The following SEMA4D variants were observed in gnomAD, a reference collection of about 807,000 sequenced individuals.
SEMA4D encodes the protein semaphorin 4D.
SEMA4D carries 22 observed loss-of-function variants against 74.8 expected under a neutral mutation model. The ratio of observed to expected loss-of-function variants is 0.29; its 90% confidence interval spans 0.21 to 0.42. The LOEUF is 0.42. SEMA4D is among the 10% of genes least tolerant of loss of function. The pLI is 1.00. For missense variants in SEMA4D, 937 were observed against 1,118.4 expected, an observed-to-expected ratio of 0.84 and a Z score of 2.31; for synonymous variants, 445 against 463.7, an observed-to-expected ratio of 0.96 and a Z score of 0.52.
In SEMA4D at chr9:89,452,988, G is replaced by C. The variant is rs142462604; in HGVS notation, c.-244+2900C>G. Among the ~76,000 whole-genome samples the C allele has an allele frequency of 2.6e-3, 399 of 152,288 alleles. 2 individuals carry two copies. Among genetic ancestry groups the C allele is most frequent in the African/African-American group, 9.1e-3 (380 of 41,542 alleles). On this transcript the variant is annotated intron_variant, in intron 2 of 15. Transcript: ENST00000422704. ...CACAGGGCTGCAGCAGAGGACCTGG[G>C]ACACCCTCCTGGGCCTCCTGAAACA...
At chr9:89,363,259 G>A (rs969055128) in intron 18 of SEMA4D, among the ~76,000 whole-genome samples, 4 of 144,810 alleles carry the variant, frequency 2.8e-5, no homozygotes, top group African/African-American at 7.5e-5. Flanking sequence ...GCAACAAGAC[G>A]TGGGATTTCC....
At position 89,387,607 on chromosome 9, in the gene SEMA4D, C is replaced by A; in HGVS notation, c.1109G>T (p.Cys370Phe). The change falls in exon 12 of 16, where the codon TGC (cysteine) becomes TTC (phenylalanine). Residue 370 changes from cysteine (C) to phenylalanine (F), a missense_variant and splice_region_variant. Cys to Phe is a radical substitution (Grantham distance 205). Coordinates refer to ENST00000422704, the MANE Select transcript of SEMA4D (RefSeq NM_001371194.2). Reference protein sequence around the residue: ...GPVPKPRPGACIDSEARAANY... With the variant: ...GPVPKPRPGAFIDSEARAANY... ...GGCGGCCCGTGCCTCGCTGTCGATG[C>A]ACTGCAGGGAGAAAATCCCCGCTGT... 1 of 1,613,822 alleles carries A rather than the reference C, an allele frequency of 6.2e-7. No homozygotes were observed. Among genetic ancestry groups the A allele is most frequent in the Non-Finnish European group, 8.5e-7 (1 of 1,179,950 alleles).
downstream of SEMA4D, among the ~76,000 whole-genome samples, chr9:89,375,499 A>C (rs548332851): frequency 3.3e-5 from 5 of 152,350 alleles, no homozygotes; most frequent in Middle Eastern, 3.4e-3. Context: ...TGGGGCTCTC[A>C]GAGCTTGTTT....
chr9:89,437,898 G>C (rs1339486821), intron 2 of SEMA4D, among the ~76,000 whole-genome samples: 1 of 152,218 alleles, frequency 6.6e-6, no homozygotes, highest in Non-Finnish European at 1.5e-5. Context: ...TCCTTAAATT[G>C]AGCAACTCAG....
At chr9:89,430,708 G>A (rs1426421847) in intron 2 of SEMA4D, among the ~76,000 whole-genome samples, 1 of 152,248 alleles carries the variant, frequency 6.6e-6, no homozygotes, top group African/African-American at 2.4e-5. Flanking sequence ...CGAGCGTGGT[G>A]GCCCAAGCCT....
intron 2 of SEMA4D, among the ~76,000 whole-genome samples, chr9:89,425,883 G>A (rs1847988439): frequency 6.6e-6 from 1 of 152,230 alleles, no homozygotes; most frequent in South Asian, 2.1e-4. Context: ...CACCTGCCCT[G>A]AGCCAACAGC....
At chr9:89,477,552 C>G (rs1291782334) in intron 1 of SEMA4D, among the ~76,000 whole-genome samples, 1 of 152,202 alleles carries the variant, frequency 6.6e-6, no homozygotes, top group Admixed American at 6.5e-5. Flanking sequence ...ACATACACAT[C>G]TATGACACAG....
intron 16 of SEMA4D, among the ~76,000 whole-genome samples, chr9:89,371,111 G>GT (rs200578110): frequency 0.02 from 65 of 3,318 alleles, 8 homozygotes; most frequent in African/African-American, 0.048. Flanking sequence ...AGGTGTGTGT[G>GT]GGGGGGTGTG....
intron 17 of SEMA4D, chr9:89,363,703 C>A: frequency 6.3e-7 from 1 of 1,599,490 alleles, no homozygotes. Context: ...GAAAAATTAC[C>A]TCATAAAAGG....
chr9:89,373,119 C>G (rs991684656), downstream of SEMA4D, among the ~76,000 whole-genome samples: 1 of 152,052 alleles, frequency 6.6e-6, no homozygotes, highest in Non-Finnish European at 1.5e-5. Flanking sequence ...GGCCTCCACC[C>G]CACCACCAGG....
At chr9:89,392,336 G>T in intron 8 of SEMA4D, 87 bp downstream of exon 8, 1 of 1,088,746 alleles carries the variant, frequency 9.2e-7, no homozygotes, top group Admixed American at 2.0e-5. Context: ...GGGCCCCCAG[G>T]GCTCAGAGAC....
intron 16 of SEMA4D, chr9:89,363,953 G>A (rs1442564360): frequency 1.9e-6 from 3 of 1,613,924 alleles, no homozygotes; most frequent in Non-Finnish European, 2.5e-6. Flanking sequence ...TGCAGGACCT[G>A]GGGACACAGA....
intron 2 of SEMA4D, among the ~76,000 whole-genome samples, chr9:89,438,964 C>CTTTTTTTTT (rs57394947): frequency 5.2e-5 from 2 of 38,214 alleles, no homozygotes; most frequent in African/African-American, 2.3e-4. Context: ...CGCACCGGGC[C>CTTTTTTTTT]TTTTTTTTTT....
At chr9:89,377,036 G>A (rs143323892), downstream of SEMA4D, 68 of 1,537,614 alleles carry the variant, frequency 4.4e-5, 1 homozygote, top group Middle Eastern at 5.1e-4. Context: ...AGGAGGGAGG[G>A]GCTTAGGAGA....
At chr9:89,429,570 T>A (rs141925596) in intron 2 of SEMA4D, among the ~76,000 whole-genome samples, 259 of 152,332 alleles carry the variant, frequency 1.7e-3, no homozygotes, top group African/African-American at 5.9e-3. Flanking sequence ...TGAGCACACC[T>A]GGGCTGAGCT....
chr9:89,362,900 C>T lies in SEMA4D; in HGVS notation c.2191-472G>A, dbSNP rs571768421. Among the ~76,000 whole-genome samples, 9 of 152,298 alleles carry T rather than the reference C, an allele frequency of 5.9e-5. No individual in the cohort carries two copies. The South Asian group carries it at 1.9e-3, about 32-fold the overall frequency. ...AGCCGGGGCTGGACAACTTTGTCTC[C>T]GTGGGGAGACAGGGAGCCTCTAGGG... On this transcript the variant is annotated intron_variant, in intron 18 of 18. Coordinates refer to the SEMA4D transcript ENST00000339861.
chr9:89,412,832 T>G (rs1201683902), intron 2 of SEMA4D, among the ~76,000 whole-genome samples: 1 of 150,576 alleles, frequency 6.6e-6, no homozygotes, highest in Non-Finnish European at 1.5e-5. Context: ...CACTGGAGGG[T>G]TTTTTTTTCC....
At chr9:89,422,203 C>T (rs1936586007) in intron 2 of SEMA4D, among the ~76,000 whole-genome samples, 2 of 152,208 alleles carry the variant, frequency 1.3e-5, no homozygotes, top group South Asian at 4.1e-4. Context: ...TTTTTAAGAA[C>T]AGCAGACAGA....
At chr9:89,403,160 G>A (rs34910857) in intron 3 of SEMA4D, 144 bp from the exon 4 acceptor site, 3 of 928,204 alleles carry the variant, frequency 3.2e-6, no homozygotes, top group African/African-American at 3.3e-5. Flanking sequence ...ATGTGTTGCT[G>A]CAACAGGCAC....
Sources: allele counts gnomAD v4.1 joint callset (sites outside exome capture counted in the v4.1 genomes callset), GRCh38; gene constraint gnomAD v4.1.1; transcripts MANE v1.5; gene names NCBI Gene and HGNC (gene_info 2026-07-23, HGNC 2026-07-21).